Variants in NLGN1 observed in about 807,000 individuals in gnomAD.
The protein encoded by NLGN1 is neuroligin-1.
In NLGN1, 12 loss-of-function variants were observed where a neutral mutation model predicts 65.5. That is an observed-to-expected ratio of 0.18 (90% CI 0.12 to 0.30). The LOEUF (loss-of-function observed/expected upper bound fraction) is 0.30. NLGN1 is among the 10% of genes least tolerant of loss of function. The probability of loss-of-function intolerance (pLI) is 1.00; values close to 1 mark genes in which losing one functional copy is unlikely to be tolerated. For missense variants in NLGN1, 750 were observed against 1,007.1 expected (o/e 0.74, Z 3.46); for synonymous variants, 350 against 359.5 (o/e 0.97, Z 0.30).
At chr3:173,987,473 A>G (rs1255220887) in intron 4 of NLGN1, among the ~76,000 whole-genome samples, 2 of 152,198 alleles carry the variant, frequency 1.3e-5, no homozygotes, top group Non-Finnish European at 2.9e-5. Context: ...ACTAATCTCA[A>G]TATAAGAGGG....
intron 4 of NLGN1, among the ~76,000 whole-genome samples, chr3:174,155,881 T>C (rs1211171633): frequency 6.6e-6 from 1 of 151,956 alleles, no homozygotes; most frequent in East Asian, 1.9e-4. Flanking sequence ...TTGTAAGCCT[T>C]AGAGCAAGGA....
intron 1 of NLGN1, among the ~76,000 whole-genome samples, chr3:173,400,414 G>A (rs1717447892): frequency 6.6e-6 from 1 of 151,746 alleles, no homozygotes; most frequent in Admixed American, 6.6e-5. Context: ...TGTCCTCCTG[G>A]CCCCCCTTCT....
chr3:173,608,904 AG>A (rs1213643123), intron 3 of NLGN1, among the ~76,000 whole-genome samples: 3 of 151,980 alleles, frequency 2.0e-5, no homozygotes, highest in Non-Finnish European at 4.4e-5. Flanking sequence ...GTAATCATTT[AG>A]TGAATACTTT....
At chr3:173,841,927 A>G (rs573344098) in intron 4 of NLGN1, among the ~76,000 whole-genome samples, 7 of 152,280 alleles carry the variant, frequency 4.6e-5, no homozygotes, top group Non-Finnish European at 1.0e-4. Context: ...TATATGCTTA[A>G]TGGGAGGAAA....
chr3:174,000,171 C>T (rs1723010393), intron 4 of NLGN1, among the ~76,000 whole-genome samples: 1 of 152,084 alleles, frequency 6.6e-6, no homozygotes, highest in Non-Finnish European at 1.5e-5. Flanking sequence ...TGTTTCTCAT[C>T]TATAATACCC....
intron 2 of NLGN1, among the ~76,000 whole-genome samples, chr3:173,485,145 T>A (rs1004240815): frequency 6.9e-6 from 1 of 145,388 alleles, no homozygotes; most frequent in Non-Finnish European, 1.5e-5. Context: ...AAAAAGCTTG[T>A]GCAAAAACTA....
chr3:173,480,240 T>C (rs932507576), intron 2 of NLGN1, among the ~76,000 whole-genome samples: 6 of 152,118 alleles, frequency 3.9e-5, no homozygotes, highest in African/African-American at 1.4e-4. Context: ...TATTGCATTA[T>C]GGAGTCATAG....
chr3:173,408,565 C>T (rs901986610), intron 1 of NLGN1, among the ~76,000 whole-genome samples: 1 of 152,142 alleles, frequency 6.6e-6, no homozygotes, highest in Admixed American at 6.5e-5. Context: ...TTCAGAAGAG[C>T]ATAAGCATGT....
intron 2 of NLGN1, among the ~76,000 whole-genome samples, chr3:173,439,327 A>C (rs1718717745): frequency 6.6e-6 from 1 of 152,158 alleles, no homozygotes; most frequent in Admixed American, 6.5e-5. Flanking sequence ...TGTGAAATTT[A>C]ATCCAATGGA....
intron 3 of NLGN1, among the ~76,000 whole-genome samples, chr3:173,800,789 A>T (rs1715309468): frequency 6.6e-6 from 1 of 151,942 alleles, no homozygotes; most frequent in African/African-American, 2.4e-5. Context: ...TTTTAAAAAA[A>T]CACACACACC....
chr3:173,985,303 C>T (rs984770274), intron 4 of NLGN1, among the ~76,000 whole-genome samples: 1 of 152,134 alleles, frequency 6.6e-6, no homozygotes, highest in Non-Finnish European at 1.5e-5. Context: ...GGCTTGGAGT[C>T]ATTCTGTGTG....
At chr3:174,059,105 G>C (rs931511791) in intron 4 of NLGN1, among the ~76,000 whole-genome samples, 5 of 152,076 alleles carry the variant, frequency 3.3e-5, no homozygotes, top group African/African-American at 9.7e-5. Context: ...TGCTAACTGG[G>C]CACCTCAATT....
intron 4 of NLGN1, among the ~76,000 whole-genome samples, chr3:174,056,251 G>A (rs1046685367): frequency 6.6e-6 from 1 of 151,930 alleles, no homozygotes; most frequent in African/African-American, 2.4e-5. Flanking sequence ...GATGTAATGA[G>A]TATGTTGGTA....
At chr3:173,749,409 C>A (rs935315212) in intron 3 of NLGN1, among the ~76,000 whole-genome samples, 3 of 151,926 alleles carry the variant, frequency 2.0e-5, no homozygotes, top group African/African-American at 7.2e-5. Flanking sequence ...ATTGTTCTAG[C>A]GAAATAATCT....
intron 3 of NLGN1, among the ~76,000 whole-genome samples, chr3:173,617,613 A>G (rs1255202905): frequency 3.3e-5 from 5 of 152,194 alleles, no homozygotes; most frequent in African/African-American, 1.2e-4. Context: ...AAGAAATAAC[A>G]GTGTTCAGTG....
intron 4 of NLGN1, among the ~76,000 whole-genome samples, chr3:173,825,236 C>A (rs73182608): frequency 0.04 from 6,006 of 151,948 alleles, 170 homozygotes; most frequent in Middle Eastern, 0.1. Context: ...AGCTTTTGAG[C>A]AAAAATTATT....
chr3:174,257,689 TC>T (rs1221448407), intron 4 of NLGN1, among the ~76,000 whole-genome samples: 2 of 151,846 alleles, frequency 1.3e-5, no homozygotes, highest in Admixed American at 1.3e-4. Context: ...GTTGTATTAA[TC>T]AGAGTTGTCT....
chr3:173,945,676 A>T (rs560756771), intron 4 of NLGN1, among the ~76,000 whole-genome samples: 1 of 152,280 alleles, frequency 6.6e-6, no homozygotes, highest in Admixed American at 6.5e-5. Flanking sequence ...TATTAACATT[A>T]TATGTTCAGT....
intron 4 of NLGN1, among the ~76,000 whole-genome samples, chr3:174,229,573 G>C (rs9865189): frequency 0.32 from 48,079 of 151,900 alleles, 8,207 homozygotes; most frequent in East Asian, 0.52. Flanking sequence ...TCATGTCTTT[G>C]TCTTAGGCAA....
Sources: gnomAD v4.1 joint callset for allele counts (sites outside exome capture counted in the v4.1 genomes callset) on GRCh38, gnomAD v4.1.1 for gene constraint, MANE v1.5 for transcripts, NCBI Gene and HGNC (gene_info 2026-07-23, HGNC 2026-07-21) for gene names.